Variants in JAK1 observed in about 807,000 individuals in gnomAD.
JAK1 encodes Janus kinase 1.
Under a neutral mutation model 136.6 loss-of-function variants are expected in JAK1, and 16 were observed. The observed-to-expected ratio is 0.12, with a 90% CI of 0.08 to 0.18. The LOEUF is 0.18. Ranked by LOEUF, JAK1 falls within the 10% of genes least tolerant of loss-of-function variation. The probability of loss-of-function intolerance (pLI) is 1.00; values close to 1 mark genes in which losing one functional copy is unlikely to be tolerated. For synonymous variants in JAK1, 492 were observed against 519.5 expected (o/e 0.95, Z 0.72); for missense variants, 859 against 1,450.1 (o/e 0.59, Z 6.62).
chr1:65,026,973 T>A (rs1646983603), intron 2 of JAK1, among the ~76,000 whole-genome samples: 1 of 152,156 alleles, frequency 6.6e-6, no homozygotes, highest in South Asian at 2.1e-4. Context: ...CCATTTTTTT[T>A]AAATAAGCAG....
chr1:64,867,944 CAT>C (rs1656807528), intron 6 of JAK1, among the ~76,000 whole-genome samples: 1 of 152,080 alleles, frequency 6.6e-6, no homozygotes, highest in Admixed American at 6.5e-5. Flanking sequence ...GAGCCAAGAT[CAT>C]GCCATTGTAC....
chr1:64,839,807 G>A lies in JAK1; in HGVS notation c.2650-12C>T, dbSNP rs2100964518. On this transcript the variant is annotated splice_polypyrimidine_tract_variant and intron_variant, in intron 19 of 24. Coordinates refer to ENST00000342505, the MANE Select transcript of JAK1 (RefSeq NM_002227.4). The stretch of plus-strand genomic sequence containing the variant: ...TTCCCAAAGTGGCCCTGGAGGGAAA[G>A]ATGCATGTGCTGTTATCAGGGAAGC... 1 of 1,598,984 alleles carries A rather than the reference G, an allele frequency of 6.3e-7. No individual in the cohort carries two copies.
chr1:64,911,186 T>C (rs748275858), intron 1 of JAK1, among the ~76,000 whole-genome samples: 3 of 152,194 alleles, frequency 2.0e-5, no homozygotes, highest in Admixed American at 6.5e-5. Flanking sequence ...GAAATACTTA[T>C]TTGGTGAGGG....
chr1:64,839,548 T>A lies in JAK1; in HGVS notation c.2842+55A>T, dbSNP rs561780020. The A allele has an allele frequency of 9.2e-6, 14 of 1,520,584 alleles. No individual in the cohort carries two copies. In the Admixed American group the frequency reaches 1.7e-4, roughly 18 times the overall value. The allele number at this position is 1,520,584 out of a possible 1,614,324, so 94.2% of individuals were successfully genotyped here. A position where few individuals can be genotyped will look rare whatever the true frequency, so the allele number is the denominator to read the frequency against. On this transcript the variant is annotated intron_variant, in intron 20 of 24. Transcript: ENST00000342505. ...AGTGCCTGTTTTGCACTGGCCTTTATGACCCTAGACAGTCACCAAATCTTT... is the reference window on the plus strand; with the variant it reads ...AGTGCCTGTTTTGCACTGGCCTTTAAGACCCTAGACAGTCACCAAATCTTT...
intron 1 of JAK1, among the ~76,000 whole-genome samples, chr1:64,901,980 T>C (rs1283302373): frequency 1.3e-5 from 2 of 152,220 alleles, no homozygotes; most frequent in African/African-American, 4.8e-5. Context: ...CTCTATTGTA[T>C]AGGGCATTTA....
At chr1:64,943,429 G>A (rs1475735889) in intron 1 of JAK1, among the ~76,000 whole-genome samples, 9 of 152,056 alleles carry the variant, frequency 5.9e-5, no homozygotes, top group Non-Finnish European at 1.0e-4. Flanking sequence ...GTAAATTTTC[G>A]AATGTGTTAA....
At chr1:64,985,383 T>C (rs1557743353) in intron 2 of JAK1, 28 of 1,611,198 alleles carry the variant, frequency 1.7e-5, no homozygotes, top group Non-Finnish European at 1.5e-5. Flanking sequence ...CTCCTGGATG[T>C]CTTGGGATAC....
At chr1:64,898,271 CGGAGGGA>C (rs1350160349) in intron 1 of JAK1, among the ~76,000 whole-genome samples, 1 of 152,150 alleles carries the variant, frequency 6.6e-6, no homozygotes, top group Non-Finnish European at 1.5e-5. Context: ...CTAGCACAGT[CGGAGGGA>C]CCAGCAAGTT....
Position 64,860,287 on chromosome 1 carries a change from C to T in JAK1, c.1177-25G>A, listed in dbSNP as rs310224. 510,632 of 1,577,488 alleles carry T rather than the reference C, an allele frequency of 0.32. 87,695 individuals carry two copies. Among genetic ancestry groups the T allele is most frequent in the African/African-American group, 0.6 (44,247 of 74,150 alleles). The stretch of plus-strand genomic sequence containing the variant: ...CCTGTTGAGAGAGAAGAAATTCCCA[C>T]GGTTACATCATGTCTCTATCAGCTT... On this transcript the variant is annotated intron_variant, in intron 8 of 24. Coordinates refer to ENST00000342505, the MANE Select transcript of JAK1 (RefSeq NM_002227.4).
Position 64,864,781 on chromosome 1 carries a change from A to C in JAK1, c.1176+6T>G. 1 of 1,607,262 alleles carries C rather than the reference A, an allele frequency of 6.2e-7. No individual in the cohort carries two copies. Among genetic ancestry groups the C allele is most frequent in the Non-Finnish European group, 8.5e-7 (1 of 1,175,860 alleles). ...CCAGACTTAAGAGCTTCTGGGACAA[A>C]CTTACCATTTTCTTGTTGTCCTGCT... On this transcript the variant is annotated splice_donor_region_variant and intron_variant, in intron 8 of 24. Coordinates refer to ENST00000342505, the MANE Select transcript of JAK1 (RefSeq NM_002227.4).
chr1:64,845,430 T>C, intron 15 of JAK1, 83 bp downstream of exon 15: 3 of 1,528,924 alleles, frequency 2.0e-6, no homozygotes, highest in African/African-American at 1.4e-5. Context: ...CTCTAGCTGC[T>C]TGGCTAGCAC....
At chr1:64,837,864 A>G in intron 22 of JAK1, 68 bp downstream of exon 22, 2 of 1,336,412 alleles carry the variant, frequency 1.5e-6, no homozygotes, top group South Asian at 1.4e-5. Context: ...ATATAGCCAG[A>G]AAGGGCCTAT....
rs2100919624 is a variant in JAK1, at chr1:64,833,724, T to C, written c.*838A>G. The C allele has an allele frequency of 4.3e-6, 1 of 233,094 alleles. No individual in the cohort carries two copies. Among genetic ancestry groups the C allele is most frequent in the East Asian group, 6.0e-5 (1 of 16,574 alleles). 14.4% of individuals were successfully genotyped at this position (233,094 alleles called of 1,614,324 possible). On this transcript the variant is annotated 3_prime_UTR_variant, in exon 25 of 25. Transcript: ENST00000342505. ...ACAGCATTCAAAACCAGTGCTGGAA[T>C]AGCTTGCCCCAAAGTGGTAGAGTTA...
chr1:64,891,857 T>C (rs947876700), intron 1 of JAK1, among the ~76,000 whole-genome samples: 9 of 152,218 alleles, frequency 5.9e-5, no homozygotes, highest in Admixed American at 4.6e-4. Flanking sequence ...CTTCTAACTA[T>C]AGCAGCAATT....
At chr1:65,042,091 CA>C (rs1293620979) in intron 2 of JAK1, among the ~76,000 whole-genome samples, 1 of 151,632 alleles carries the variant, frequency 6.6e-6, no homozygotes, top group Admixed American at 6.6e-5. Flanking sequence ...AAAAACAAAA[CA>C]AAAAAACCCT....
At chr1:65,054,605 G>A (rs1466804194) in intron 1 of JAK1, among the ~76,000 whole-genome samples, 2 of 152,160 alleles carry the variant, frequency 1.3e-5, no homozygotes, top group Admixed American at 1.3e-4. Context: ...AAGAATTTCA[G>A]GAGTGGTAGC....
intron 1 of JAK1, among the ~76,000 whole-genome samples, chr1:64,913,641 G>GAGAAAGGAAGGAAAGAAGGAAGGAAGGA (rs1357274757): frequency 6.0e-4 from 34 of 56,868 alleles, no homozygotes; most frequent in Non-Finnish European, 8.0e-4. Context: ...GGGAGGAAGG[G>GAGAAAGGAAGGAAAGAAGGAAGGAAGGA]AGGAAGGAAG....
chr1:64,934,370 G>A (rs928903705), intron 1 of JAK1, among the ~76,000 whole-genome samples: 1 of 152,180 alleles, frequency 6.6e-6, no homozygotes, highest in Non-Finnish European at 1.5e-5. Context: ...ACTGAAGGCT[G>A]GAGGCAGCCA....
At position 64,886,476 on chromosome 1, in the gene JAK1, CA is replaced by C. The variant is rs558874866; in HGVS notation, c.-77-136del. ...CATTTGAGAGGAAGAAGGAAAAAAACAAAACAAAACAAAAAAATGGCCTAGG... is the reference window on the plus strand; with the variant it reads ...CATTTGAGAGGAAGAAGGAAAAAAACAAACAAAACAAAAAAATGGCCTAGG... On this transcript the variant is annotated intron_variant, in intron 1 of 24. Transcript: ENST00000342505. 657 of 512,434 alleles carry C rather than the reference CA, an allele frequency of 1.3e-3. 6 individuals are homozygous for C. The highest frequency in any genetic ancestry group is 0.012 in the African/African-American group (589 of 50,044). 31.7% of individuals were successfully genotyped at this position (512,434 alleles called of 1,614,324 possible).
Sources: gnomAD v4.1 joint callset for allele counts (sites outside exome capture counted in the v4.1 genomes callset) on GRCh38, gnomAD v4.1.1 for gene constraint, MANE v1.5 for transcripts, NCBI Gene and HGNC (gene_info 2026-07-23, HGNC 2026-07-21) for gene names.